Variants in ARHGAP42 observed in about 807,000 individuals in gnomAD.
ARHGAP42 encodes the protein Rho GTPase activating protein 42.
A neutral mutation model predicts 125.0 loss-of-function variants in ARHGAP42; 63 were observed. That is an observed-to-expected ratio of 0.50 (90% CI 0.41 to 0.62). ARHGAP42 has a LOEUF of 0.62. Among genes scored for constraint, ARHGAP42 ranks in the 20% least tolerant of loss-of-function variants. The pLI is 0.00. For synonymous variants in ARHGAP42, 339 were observed against 351.0 expected (o/e 0.97, Z 0.38); for missense variants, 766 against 1,024.2 (o/e 0.75, Z 3.44).
rs1784531806 is a variant in ARHGAP42, at chr11:100,766,066, G to A, written c.155-4277G>A. 5.9e-5 allele frequency among the ~76,000 whole-genome samples: 9 copies of A among 152,252 alleles called. No individual in the cohort carries two copies. In the South Asian group the frequency reaches 1.9e-3, roughly 32 times the overall value. The stretch of plus-strand genomic sequence containing the variant: ...GAAATGAAGTTTTAGTGTTTCATTA[G>A]CATCATCTAATCATGGAAGCTGGAG... On this transcript the variant is annotated intron_variant, in intron 1 of 23. Transcript: ENST00000298815.
chr11:100,807,882 C>A (rs1471996971), intron 3 of ARHGAP42, among the ~76,000 whole-genome samples: 1 of 152,200 alleles, frequency 6.6e-6, no homozygotes, highest in Non-Finnish European at 1.5e-5. Flanking sequence ...CCATCACTTT[C>A]CATTGGTACA....
At chr11:100,905,376 G>T (rs1349018991) in intron 4 of ARHGAP42, among the ~76,000 whole-genome samples, 1 of 152,142 alleles carries the variant, frequency 6.6e-6, no homozygotes, top group Admixed American at 6.5e-5. Context: ...TGAAAACTAT[G>T]TATGTCTTTA....
chr11:100,790,619 C>T (rs919140031), intron 2 of ARHGAP42, among the ~76,000 whole-genome samples: 2 of 152,120 alleles, frequency 1.3e-5, no homozygotes, highest in African/African-American at 4.8e-5. Flanking sequence ...CATAATATTT[C>T]ATGAATCCTA....
intron 3 of ARHGAP42, among the ~76,000 whole-genome samples, chr11:100,841,795 G>T (rs1250142039): frequency 1.3e-5 from 2 of 152,124 alleles, no homozygotes; most frequent in African/African-American, 2.4e-5. Context: ...AGTAATGCTG[G>T]AGTTCCAAGG....
intron 11 of ARHGAP42, 59 bp downstream of exon 11, chr11:100,948,594 G>GAAAA: frequency 3.0e-6 from 4 of 1,319,672 alleles, no homozygotes; most frequent in Non-Finnish European, 4.2e-6. Flanking sequence ...TATAATGTAT[G>GAAAA]GAAATTCTTT....
chr11:100,936,173 G>T, intron 7 of ARHGAP42, 30 bp from the exon 8 acceptor site: 2 of 1,549,268 alleles, frequency 1.3e-6, no homozygotes, highest in South Asian at 2.4e-5. Context: ...AGAAAATAAT[G>T]ACTGAAATTA....
chr11:100,875,388 G>T (rs1865797194), intron 4 of ARHGAP42, among the ~76,000 whole-genome samples: 3 of 152,080 alleles, frequency 2.0e-5, no homozygotes, highest in African/African-American at 4.8e-5. Flanking sequence ...CTAGGGGTGG[G>T]GATGGGGAAA....
rs148918480 is a variant in ARHGAP42 at position 100,926,470 on chromosome 11, T to C, written c.597+4866T>C. On this transcript the variant is annotated intron_variant, in intron 6 of 23. Coordinates refer to ENST00000298815, the MANE Select transcript of ARHGAP42 (RefSeq NM_152432.4). ...AATAAAATGGACGATTAGAAAATTATATAGTGTAGTTATATTAATTCCTTA... is the reference window on the plus strand; with the variant it reads ...AATAAAATGGACGATTAGAAAATTACATAGTGTAGTTATATTAATTCCTTA... 3.4e-3 allele frequency among the ~76,000 whole-genome samples: 525 copies of C among 152,316 alleles called. 8 individuals are homozygous for C. The highest frequency in any genetic ancestry group is 2.3e-3 in the Non-Finnish European group (155 of 68,034).
chr11:100,856,053 A>G (rs145320989), intron 3 of ARHGAP42, among the ~76,000 whole-genome samples: 2 of 152,160 alleles, frequency 1.3e-5, no homozygotes, highest in African/African-American at 4.8e-5. Flanking sequence ...TGCACATTCC[A>G]CAGATACTGT....
rs901684897 is a variant in ARHGAP42 at position 100,859,454 on chromosome 11, A to C, written c.313-100A>C. On this transcript the variant is annotated intron_variant, in intron 3 of 23. Transcript: ENST00000298815. ...TGTTTTTATAGATGCAAACAAAAAC[A>C]AAAACAGTCTATTTGATACATTGGA... 5.0e-6 allele frequency: 5 copies of C among 994,434 alleles called. No individual in the cohort carries two copies. In the African/African-American group the frequency reaches 6.8e-5, roughly 14 times the overall value. 61.6% of individuals were successfully genotyped at this position (994,434 alleles called of 1,614,324 possible).
At chr11:100,749,527 G>A (rs962809512) in intron 1 of ARHGAP42, among the ~76,000 whole-genome samples, 1 of 152,096 alleles carries the variant, frequency 6.6e-6, no homozygotes, top group South Asian at 2.1e-4. Context: ...GGGATGTCTC[G>A]CCTTGCCTGC....
At chr11:100,826,663 C>T (rs923189083) in intron 3 of ARHGAP42, among the ~76,000 whole-genome samples, 4 of 152,104 alleles carry the variant, frequency 2.6e-5, no homozygotes, top group African/African-American at 9.7e-5. Context: ...TTTAAGATTA[C>T]AAGATCTCTA....
intron 12 of ARHGAP42, among the ~76,000 whole-genome samples, chr11:100,955,375 GGTA>G (rs1393690129): frequency 1.3e-5 from 2 of 152,072 alleles, no homozygotes; most frequent in Non-Finnish European, 2.9e-5. Flanking sequence ...TACAGAATTT[GGTA>G]GTAGTTGTAT....
chr11:100,865,463 A>G (rs1157855011), intron 4 of ARHGAP42, among the ~76,000 whole-genome samples: 1 of 152,194 alleles, frequency 6.6e-6, no homozygotes, highest in Non-Finnish European at 1.5e-5. Flanking sequence ...GTATAATACT[A>G]ATAATAAATT....
intron 1 of ARHGAP42, among the ~76,000 whole-genome samples, chr11:100,713,283 T>G (rs773627950): frequency 6.6e-6 from 1 of 152,194 alleles, no homozygotes; most frequent in Non-Finnish European, 1.5e-5. Flanking sequence ...TATGTCCTTA[T>G]TGTCTTTGAA....
intron 1 of ARHGAP42, among the ~76,000 whole-genome samples, chr11:100,728,714 GTATATA>G (rs57293905): frequency 0.16 from 10,849 of 69,378 alleles, 674 homozygotes; most frequent in Non-Finnish European, 0.18. Flanking sequence ...ATGACTTTGC[GTATATA>G]TATATATATA....
chr11:100,789,973 C>T (rs1463325371), intron 2 of ARHGAP42, among the ~76,000 whole-genome samples: 1 of 152,150 alleles, frequency 6.6e-6, no homozygotes, highest in African/African-American at 2.4e-5. Context: ...TCCCAATTCT[C>T]ATCGTAGTTT....
chr11:100,789,852 G>T (rs897599249), intron 2 of ARHGAP42, among the ~76,000 whole-genome samples: 1 of 152,118 alleles, frequency 6.6e-6, no homozygotes. Flanking sequence ...TTTTTTTGGG[G>T]TGTGTGTTTT....
At chr11:100,838,504 C>G (rs550798950) in intron 3 of ARHGAP42, among the ~76,000 whole-genome samples, 1 of 151,916 alleles carries the variant, frequency 6.6e-6, no homozygotes, top group South Asian at 2.1e-4. Flanking sequence ...CCCAGTAATT[C>G]AAAACTAGCC....
Sources: allele counts gnomAD v4.1 joint callset (sites outside exome capture counted in the v4.1 genomes callset), GRCh38; gene constraint gnomAD v4.1.1; transcripts MANE v1.5; gene names NCBI Gene and HGNC (gene_info 2026-07-23, HGNC 2026-07-21).